Variants in FIG4 observed in about 807,000 individuals in gnomAD.
The protein encoded by FIG4 is polyphosphoinositide phosphatase.
A neutral mutation model predicts 118.6 loss-of-function variants in FIG4; 112 were observed. The ratio of observed to expected loss-of-function variants is 0.94; its 90% CI spans 0.81 to 1.11. FIG4 has a LOEUF of 1.11. Among genes scored for constraint, FIG4 ranks in the 50% least tolerant of loss-of-function variants. The probability of loss-of-function intolerance (pLI) is 0.00; values close to 1 mark genes in which losing one functional copy is unlikely to be tolerated. For missense variants in FIG4, 969 were observed against 1,111.7 expected (o/e 0.87, Z 1.83); for synonymous variants, 369 against 381.2 (o/e 0.97, Z 0.37).
chr6:109,713,224 G>GC (rs1775323364), intron 1 of FIG4, among the ~76,000 whole-genome samples: 1 of 152,204 alleles, frequency 6.6e-6, no homozygotes, highest in Non-Finnish European at 1.5e-5. Context: ...GCCAGTGGCA[G>GC]CGAAAGCATG....
Position 109,757,403 on chromosome 6 carries a change from A to G in FIG4, c.1138-2847A>G, listed in dbSNP as rs118107652. Among the ~76,000 whole-genome samples the G allele has an allele frequency of 3.8e-3, 586 of 152,356 alleles. 3 individuals are homozygous for G. The highest frequency in any genetic ancestry group is 5.6e-3 in the Non-Finnish European group (384 of 68,028). On this transcript the variant is annotated intron_variant, in intron 10 of 22. Transcript: ENST00000230124. ...TCAGCAGATGCAGAAAAGGCCTGCA[A>G]TAAAATTGAACACCCATTCATGCTA...
At chr6:109,792,795 A>G (rs1454625759) in intron 21 of FIG4, 131 bp downstream of exon 21, 2 of 591,664 alleles carry the variant, frequency 3.4e-6, no homozygotes, top group African/African-American at 4.1e-5. Flanking sequence ...GCTGTAGTGC[A>G]GTGGTATGAT....
intron 10 of FIG4, among the ~76,000 whole-genome samples, chr6:109,746,650 A>G (rs1228868950): frequency 1.3e-5 from 2 of 152,146 alleles, no homozygotes; most frequent in Non-Finnish European, 2.9e-5. Context: ...AGGCTGCATT[A>G]ATGAGCCTGG....
chr6:109,795,679 G>A (rs2128398220), intron 21 of FIG4, among the ~76,000 whole-genome samples: 1 of 123,816 alleles, frequency 8.1e-6, no homozygotes, highest in Non-Finnish European at 1.6e-5. Context: ...TCGGCTCACT[G>A]CAACCTCCGC....
intron 15 of FIG4, among the ~76,000 whole-genome samples, chr6:109,769,055 C>T (rs1301059806): frequency 2.0e-5 from 3 of 151,334 alleles, no homozygotes; most frequent in East Asian, 1.9e-4. Flanking sequence ...CTCCTGTGGT[C>T]GTTGTCCCTG....
chr6:109,731,646 C>A (rs1776004599), intron 4 of FIG4, among the ~76,000 whole-genome samples: 2 of 152,102 alleles, frequency 1.3e-5, no homozygotes, highest in Non-Finnish European at 2.9e-5. Flanking sequence ...GTAGCATTTA[C>A]ATTGTATTAG....
chr6:109,729,981 A>T (rs1775944613), intron 4 of FIG4, among the ~76,000 whole-genome samples: 1 of 152,106 alleles, frequency 6.6e-6, no homozygotes, highest in Non-Finnish European at 1.5e-5. Flanking sequence ...ACATAATTGG[A>T]GAGATGTCCC....
chr6:109,814,839 T>C (rs1435885423), intron 22 of FIG4, among the ~76,000 whole-genome samples: 4 of 152,182 alleles, frequency 2.6e-5, no homozygotes, highest in Non-Finnish European at 4.4e-5. Flanking sequence ...GGCTCCCTGA[T>C]TATTTTTAGT....
intron 10 of FIG4, 83 bp from the exon 11 acceptor site, chr6:109,760,167 C>A: frequency 8.2e-7 from 1 of 1,225,332 alleles, no homozygotes; most frequent in South Asian, 1.2e-5. Flanking sequence ...TTTGTCTTAG[C>A]TTAGCTTAAA....
intron 22 of FIG4, among the ~76,000 whole-genome samples, chr6:109,805,787 A>C (rs1778548931): frequency 6.6e-6 from 1 of 152,218 alleles, no homozygotes; most frequent in Non-Finnish European, 1.5e-5. Context: ...GAAATGTATT[A>C]GTTTTTTTTA....
intron 1 of FIG4, among the ~76,000 whole-genome samples, chr6:109,704,403 C>T (rs1005413371): frequency 1.3e-5 from 2 of 152,018 alleles, no homozygotes; most frequent in Non-Finnish European, 2.9e-5. Flanking sequence ...TGCCTGTAAT[C>T]CCAGCACTTT....
intron 7 of FIG4, among the ~76,000 whole-genome samples, chr6:109,739,366 A>AT (rs1238663458): frequency 5.9e-5 from 9 of 151,878 alleles, no homozygotes; most frequent in Non-Finnish European, 1.2e-4. Flanking sequence ...TGGTTTTTCG[A>AT]TTTTTTCTAT....
At chr6:109,711,583 G>A (rs1775263816) in intron 1 of FIG4, among the ~76,000 whole-genome samples, 1 of 151,468 alleles carries the variant, frequency 6.6e-6, no homozygotes, top group Admixed American at 6.6e-5. Flanking sequence ...AACTAGAATT[G>A]CAACCCCTGC....
At chr6:109,755,236 G>A (rs1221681615) in intron 10 of FIG4, among the ~76,000 whole-genome samples, 13 of 152,200 alleles carry the variant, frequency 8.5e-5, no homozygotes, top group Non-Finnish European at 1.8e-4. Context: ...TTTCCATGTA[G>A]TTGAGCGGTT....
At chr6:109,698,991 A>G (rs946759264) in intron 1 of FIG4, among the ~76,000 whole-genome samples, 1 of 152,232 alleles carries the variant, frequency 6.6e-6, no homozygotes, top group Admixed American at 6.5e-5. Flanking sequence ...CTCTAGCTTC[A>G]TAAAATGAGT....
chr6:109,718,550 C>T (rs1196753012), intron 3 of FIG4, among the ~76,000 whole-genome samples: 1 of 152,140 alleles, frequency 6.6e-6, no homozygotes, highest in Non-Finnish European at 1.5e-5. Context: ...GCTCTTCATA[C>T]GTAATCCCTT....
intron 3 of FIG4, among the ~76,000 whole-genome samples, chr6:109,726,038 G>A (rs987110768): frequency 4.6e-5 from 7 of 152,084 alleles, no homozygotes; most frequent in East Asian, 1.9e-4. Context: ...ATCTTCTCCC[G>A]TTCTGTAGGT....
At position 109,765,042 on chromosome 6, in the gene FIG4, C is replaced by T; in HGVS notation, c.1464C>T (p.Asp488=). The T allele has an allele frequency of 2.5e-6, 4 of 1,613,882 alleles. No individual in the cohort carries two copies. Among genetic ancestry groups the T allele is most frequent in the Non-Finnish European group, 2.5e-6 (3 of 1,179,794 alleles). The change falls in exon 14 of 23, where the codon GAC becomes GAT. Residue 488 remains aspartate, a synonymous_variant. Transcript: ENST00000230124. ...GCATCCTTCGAACCAACTGTGTGGA[C>T]TGTTTAGATCGCACCAACACAGCAC... ...QTGILRTNCV[D]CLDRTNTAQF...
At chr6:109,708,467 CCTTT>C (rs1775157602) in intron 1 of FIG4, among the ~76,000 whole-genome samples, 1 of 152,202 alleles carries the variant, frequency 6.6e-6, no homozygotes, top group Non-Finnish European at 1.5e-5. Context: ...AACTTCTCTT[CCTTT>C]GAGTGTATAC....
Sources: allele counts gnomAD v4.1 joint callset (sites outside exome capture counted in the v4.1 genomes callset), GRCh38; gene constraint gnomAD v4.1.1; transcripts MANE v1.5; gene names NCBI Gene and HGNC (gene_info 2026-07-23, HGNC 2026-07-21).